Variants in DLG2 observed in about 807,000 individuals in gnomAD.
DLG2 encodes the protein discs large MAGUK scaffold protein 2.
In DLG2, 45 loss-of-function variants were observed where a neutral mutation model predicts 132.5. The observed-to-expected ratio is 0.34, with a 90% CI of 0.27 to 0.44. The LOEUF is 0.44. Among genes scored for constraint, DLG2 ranks in the 20% least tolerant of loss-of-function variants. DLG2 has a pLI of 1.00. For missense variants in DLG2, 1,045 were observed against 1,196.9 expected (o/e 0.87, Z 1.87); for synonymous variants, 424 against 419.6 (o/e 1.01, Z -0.13).
chr11:85,429,453 C>G (rs1411737174), intron 3 of DLG2, among the ~76,000 whole-genome samples: 2 of 152,258 alleles, frequency 1.3e-5, no homozygotes, highest in East Asian at 3.9e-4. Flanking sequence ...TTTTTGCTAT[C>G]TACTCATCTA....
chr11:84,005,811 A>T (rs1453111806), intron 11 of DLG2, among the ~76,000 whole-genome samples: 1 of 151,808 alleles, frequency 6.6e-6, no homozygotes, highest in Non-Finnish European at 1.5e-5. Context: ...TATTAAAAAG[A>T]CAAAAAATAA....
chr11:83,606,927 A>G (rs1280047124), intron 19 of DLG2, among the ~76,000 whole-genome samples: 1 of 152,190 alleles, frequency 6.6e-6, no homozygotes, highest in East Asian at 1.9e-4. Flanking sequence ...ACTCCGTCTC[A>G]AAAAAAGAAA....
At chr11:84,465,826 T>G (rs1020740360) in intron 7 of DLG2, among the ~76,000 whole-genome samples, 2 of 151,256 alleles carry the variant, frequency 1.3e-5, no homozygotes, top group Non-Finnish European at 3.0e-5. Context: ...TATACTTAAA[T>G]CCTACCAAGA....
intron 8 of DLG2, among the ~76,000 whole-genome samples, chr11:84,198,257 C>T (rs868090423): frequency 1.5e-3 from 223 of 152,122 alleles, no homozygotes; most frequent in African/African-American, 4.9e-3. Context: ...CCCTGTTTTT[C>T]GGAAACCAAA....
At chr11:84,988,441 T>C (rs1312353323) in intron 6 of DLG2, among the ~76,000 whole-genome samples, 2 of 152,120 alleles carry the variant, frequency 1.3e-5, no homozygotes, top group Admixed American at 6.5e-5. Context: ...AAATTTGCAA[T>C]TGCAAAAATG....
intron 5 of DLG2, among the ~76,000 whole-genome samples, chr11:85,137,175 CA>C (rs1245307252): frequency 6.6e-6 from 1 of 152,014 alleles, no homozygotes; most frequent in Non-Finnish European, 1.5e-5. Flanking sequence ...GTTACAAGTA[CA>C]GGATGCTACT....
intron 6 of DLG2, among the ~76,000 whole-genome samples, chr11:84,918,839 A>G (rs1174895235): frequency 3.3e-5 from 5 of 152,110 alleles, no homozygotes; most frequent in Non-Finnish European, 5.9e-5. Context: ...TAAACAAATA[A>G]TCTGAAAAGA....
At chr11:83,612,418 G>A (rs987808722) in intron 19 of DLG2, among the ~76,000 whole-genome samples, 1 of 152,208 alleles carries the variant, frequency 6.6e-6, no homozygotes, top group Non-Finnish European at 1.5e-5. Context: ...CTGATAAATA[G>A]TAGGCATATT....
chr11:83,668,966 A>G (rs2076354033), intron 18 of DLG2, among the ~76,000 whole-genome samples: 1 of 151,854 alleles, frequency 6.6e-6, no homozygotes, highest in Non-Finnish European at 1.5e-5. Context: ...AAGGCAATAC[A>G]TGTTTGCTGA....
chr11:84,901,263 T>C (rs1348446166), intron 6 of DLG2, among the ~76,000 whole-genome samples: 1 of 152,034 alleles, frequency 6.6e-6, no homozygotes, highest in African/African-American at 2.4e-5. Context: ...ATTGAGAATC[T>C]TCTTTTAGTA....
chr11:85,609,748 A>G (rs1487282738), intron 2 of DLG2, among the ~76,000 whole-genome samples: 1 of 152,078 alleles, frequency 6.6e-6, no homozygotes, highest in Non-Finnish European at 1.5e-5. Context: ...ACGTTTAACC[A>G]TTGAGGGCCA....
At chr11:85,025,148 A>G (rs1040924363) in intron 6 of DLG2, among the ~76,000 whole-genome samples, 2 of 152,216 alleles carry the variant, frequency 1.3e-5, no homozygotes, top group Non-Finnish European at 2.9e-5. Flanking sequence ...TAAATTTTCC[A>G]TTGTATCTCG....
intron 21 of DLG2, among the ~76,000 whole-genome samples, chr11:83,514,308 A>G (rs1290732620): frequency 6.6e-6 from 1 of 152,094 alleles, no homozygotes; most frequent in Non-Finnish European, 1.5e-5. Flanking sequence ...ATGGGAGTTC[A>G]CTCATGATTT....
chr11:83,696,383 C>T (rs2081947471), intron 18 of DLG2, among the ~76,000 whole-genome samples: 2 of 152,118 alleles, frequency 1.3e-5, no homozygotes, highest in African/African-American at 4.8e-5. Flanking sequence ...GAGAGGGCGA[C>T]ATTTTGTGGC....
chr11:84,544,394 C>G (rs2099385372), intron 6 of DLG2, among the ~76,000 whole-genome samples: 1 of 152,194 alleles, frequency 6.6e-6, no homozygotes, highest in Admixed American at 6.5e-5. Context: ...TTCAGCAACA[C>G]TGTCTTGAGT....
chr11:85,310,352 C>T (rs2080237331), intron 3 of DLG2, among the ~76,000 whole-genome samples: 1 of 152,164 alleles, frequency 6.6e-6, no homozygotes, highest in Non-Finnish European at 1.5e-5. Context: ...CATTCTGGAG[C>T]TAGCCACACT....
chr11:84,433,629 T>C (rs1461382780), intron 7 of DLG2, among the ~76,000 whole-genome samples: 1 of 152,226 alleles, frequency 6.6e-6, no homozygotes, highest in East Asian at 1.9e-4. Flanking sequence ...ATCTCTTATG[T>C]AGCTTATTTA....
chr11:84,605,248 TTGAG>T (rs1372698720), intron 6 of DLG2, among the ~76,000 whole-genome samples: 8 of 151,980 alleles, frequency 5.3e-5, no homozygotes, highest in African/African-American at 1.9e-4. Context: ...ATGATCATTC[TTGAG>T]TATTTCTCAA....
intron 19 of DLG2, among the ~76,000 whole-genome samples, chr11:83,605,927 G>A (rs774186776): frequency 5.9e-5 from 9 of 152,140 alleles, no homozygotes; most frequent in East Asian, 3.8e-4. Context: ...AGCATTTACC[G>A]CTCTAAACTG....
Sources: gnomAD v4.1 joint callset for allele counts (sites outside exome capture counted in the v4.1 genomes callset) on GRCh38, gnomAD v4.1.1 for gene constraint, MANE v1.5 for transcripts, NCBI Gene and HGNC (gene_info 2026-07-23, HGNC 2026-07-21) for gene names.